PXDNL: variants seen among roughly 807,000 people sequenced by gnomAD.
The protein encoded by PXDNL is probable oxidoreductase PXDNL.
Under a neutral mutation model 150.8 loss-of-function variants are expected in PXDNL, and 145 were observed. That is an observed-to-expected ratio of 0.96 (90% confidence interval 0.84 to 1.10). The LOEUF is 1.10. PXDNL is among the 50% of genes least tolerant of loss of function. The pLI is 0.00. For missense variants in PXDNL, 2,087 were observed against 1,873.9 expected (o/e 1.11, Z -2.10); for synonymous variants, 757 against 725.7 (o/e 1.04, Z -0.69).
intron 4 of PXDNL, among the ~76,000 whole-genome samples, chr8:51,507,321 C>G (rs747865174): frequency 1.1e-4 from 17 of 152,240 alleles, no homozygotes; most frequent in Middle Eastern, 3.4e-3. Context: ...GACCTAGATG[C>G]AAAAGAGAAA....
chr8:51,543,953 T>A (rs986629950), intron 4 of PXDNL, among the ~76,000 whole-genome samples: 5 of 152,138 alleles, frequency 3.3e-5, no homozygotes, highest in Non-Finnish European at 7.3e-5. Flanking sequence ...AGATGAGGAA[T>A]AACTGAAAGC....
intron 1 of PXDNL, among the ~76,000 whole-genome samples, chr8:51,782,010 A>C (rs1259574603): frequency 1.3e-5 from 2 of 152,180 alleles, no homozygotes; most frequent in Non-Finnish European, 2.9e-5. Flanking sequence ...GCTGCTACAC[A>C]GTTAACCACA....
At chr8:51,335,184 T>G (rs941478753) in intron 21 of PXDNL, among the ~76,000 whole-genome samples, 6 of 152,206 alleles carry the variant, frequency 3.9e-5, no homozygotes, top group African/African-American at 1.4e-4. Context: ...GATCTCCATA[T>G]CTCTGTTTAT....
chr8:51,541,397 C>T (rs1812214436), intron 4 of PXDNL, among the ~76,000 whole-genome samples: 1 of 152,160 alleles, frequency 6.6e-6, no homozygotes, highest in African/African-American at 2.4e-5. Flanking sequence ...AGCCTTTCCA[C>T]TAAGGTGACA....
intron 20 of PXDNL, among the ~76,000 whole-genome samples, chr8:51,341,772 C>T (rs1805990253): frequency 6.6e-6 from 1 of 152,160 alleles, no homozygotes; most frequent in Non-Finnish European, 1.5e-5. Context: ...ACTACAATGA[C>T]ATAGCACCTC....
intron 1 of PXDNL, among the ~76,000 whole-genome samples, chr8:51,800,961 CA>C (rs2037612622): frequency 6.6e-6 from 1 of 152,234 alleles, no homozygotes; most frequent in African/African-American, 2.4e-5. Context: ...AACAGAATAG[CA>C]GTGATTTTAG....
At chr8:51,434,416 C>G (rs1239077326) in intron 12 of PXDNL, among the ~76,000 whole-genome samples, 2 of 152,184 alleles carry the variant, frequency 1.3e-5, no homozygotes, top group African/African-American at 4.8e-5. Flanking sequence ...GCTTCTTCAT[C>G]ACACTTAACA....
intron 1 of PXDNL, among the ~76,000 whole-genome samples, chr8:51,756,454 A>G (rs758588580): frequency 7.2e-5 from 11 of 151,954 alleles, no homozygotes; most frequent in Non-Finnish European, 1.5e-4. Context: ...CTGAACCCAC[A>G]CAATACTTAT....
intron 11 of PXDNL, among the ~76,000 whole-genome samples, chr8:51,448,291 C>G (rs1809724525): frequency 6.6e-6 from 1 of 152,208 alleles, no homozygotes; most frequent in South Asian, 2.1e-4. Flanking sequence ...CCACGCCCCA[C>G]CACCCACACT....
intron 1 of PXDNL, among the ~76,000 whole-genome samples, chr8:51,771,178 C>T (rs1319192270): frequency 1.3e-5 from 2 of 152,102 alleles, no homozygotes; most frequent in Non-Finnish European, 2.9e-5. Flanking sequence ...CACCAAGTGA[C>T]ACAAGAAACA....
At chr8:51,797,242 C>A (rs564859271) in intron 1 of PXDNL, among the ~76,000 whole-genome samples, 25 of 152,282 alleles carry the variant, frequency 1.6e-4, no homozygotes, top group Middle Eastern at 3.4e-3. Context: ...AAGCTAGAAG[C>A]ATTCCCCTTG....
intron 1 of PXDNL, among the ~76,000 whole-genome samples, chr8:51,663,089 G>A (rs1390084291): frequency 6.6e-6 from 1 of 152,178 alleles, no homozygotes; most frequent in Non-Finnish European, 1.5e-5. Context: ...TTTCAAGGCA[G>A]GTGTTAACAT....
chr8:51,697,934 C>T (rs564649564), intron 1 of PXDNL, among the ~76,000 whole-genome samples: 62 of 152,194 alleles, frequency 4.1e-4, no homozygotes, highest in Non-Finnish European at 7.4e-4. Flanking sequence ...AAACATGTTA[C>T]GTTTAGACTA....
chr8:51,589,513 G>GT (rs1335963376), intron 3 of PXDNL, among the ~76,000 whole-genome samples: 1 of 152,180 alleles, frequency 6.6e-6, no homozygotes, highest in African/African-American at 2.4e-5. Context: ...TAGAAATATG[G>GT]ACAGTAAAAG....
chr8:51,511,904 T>A lies in PXDNL; in HGVS notation c.381-12134A>T, dbSNP rs985607482. 7.2e-5 allele frequency among the ~76,000 whole-genome samples: 11 copies of A among 152,306 alleles called. No homozygotes were observed. In the East Asian group the frequency reaches 9.7e-4, roughly 13 times the overall value. ...TATACTGTATCTGCTATATTTCTTG[T>A]CAGCCCTGAACCTGAATGCCCCCAT... On this transcript the variant is annotated intron_variant, in intron 4 of 22. Coordinates refer to ENST00000356297, the MANE Select transcript of PXDNL (RefSeq NM_144651.5).
chr8:51,721,471 T>C (rs1295306702), intron 1 of PXDNL, among the ~76,000 whole-genome samples: 1 of 152,082 alleles, frequency 6.6e-6, no homozygotes, highest in Admixed American at 6.5e-5. Flanking sequence ...AAATAGCAGC[T>C]CCCAGTAACT....
intron 3 of PXDNL, among the ~76,000 whole-genome samples, chr8:51,562,770 A>G (rs1812743612): frequency 6.6e-6 from 1 of 151,954 alleles, no homozygotes; most frequent in Non-Finnish European, 1.5e-5. Context: ...ATAGGTTTCT[A>G]ACCTACCATG....
At chr8:51,512,330 C>T (rs531891543) in intron 4 of PXDNL, among the ~76,000 whole-genome samples, 14 of 152,176 alleles carry the variant, frequency 9.2e-5, no homozygotes, top group South Asian at 4.1e-4. Flanking sequence ...TGACATGACA[C>T]GGATGGTGGG....
At chr8:51,556,029 T>C (rs1159682022) in intron 4 of PXDNL, among the ~76,000 whole-genome samples, 1 of 152,116 alleles carries the variant, frequency 6.6e-6, no homozygotes, top group Non-Finnish European at 1.5e-5. Context: ...CTCAGCACTT[T>C]GGGAATCTGA....
Sources: allele counts gnomAD v4.1 joint callset (sites outside exome capture counted in the v4.1 genomes callset), GRCh38; gene constraint gnomAD v4.1.1; transcripts MANE v1.5; gene names NCBI Gene and HGNC (gene_info 2026-07-23, HGNC 2026-07-21).